SLC24A3: variants seen among roughly 807,000 people sequenced by gnomAD.
SLC24A3 encodes the protein sodium/potassium/calcium exchanger 3.
SLC24A3 carries 28 observed loss-of-function variants against 75.8 expected under a neutral mutation model. The observed-to-expected ratio is 0.37, with a 90% CI of 0.27 to 0.51. The LOEUF is 0.51. SLC24A3 is among the 20% of genes least tolerant of loss of function. The probability of loss-of-function intolerance (pLI) is 0.94; values close to 1 mark genes in which losing one functional copy is unlikely to be tolerated. For synonymous variants in SLC24A3, 372 were observed against 334.1 expected (o/e 1.11, Z -1.24); for missense variants, 663 against 847.8 (o/e 0.78, Z 2.71).
intron 2 of SLC24A3, among the ~76,000 whole-genome samples, chr20:19,510,967 G>C (rs1192435470): frequency 6.6e-6 from 1 of 152,212 alleles, no homozygotes; most frequent in Non-Finnish European, 1.5e-5. Flanking sequence ...GGCTTGGCCA[G>C]TGCAGGGCTG....
intron 2 of SLC24A3, among the ~76,000 whole-genome samples, chr20:19,444,231 T>G (rs1366833514): frequency 6.6e-6 from 1 of 152,210 alleles, no homozygotes; most frequent in African/African-American, 2.4e-5. Context: ...GGATTTGATT[T>G]GCTGATATTT....
rs376923832 is a variant in SLC24A3 at position 19,334,730 on chromosome 20, T to A, written c.271+53643T>A. Among the ~76,000 whole-genome samples, 7 of 152,304 alleles carry A rather than the reference T, an allele frequency of 4.6e-5. 1 individual carries two copies. The highest frequency in any genetic ancestry group is 6.5e-5 in the Admixed American group (1 of 15,306). Reference sequence around the variant, plus strand: ...TTGCAATTTGGCACCTCTGGGAGCCTCTGTAGGACACGCCTCAGAGCTCTG... The same window carrying A: ...TTGCAATTTGGCACCTCTGGGAGCCACTGTAGGACACGCCTCAGAGCTCTG... On this transcript the variant is annotated intron_variant, in intron 2 of 16. Transcript: ENST00000328041.
At chr20:19,309,841 A>G (rs1029259118) in intron 2 of SLC24A3, among the ~76,000 whole-genome samples, 5 of 151,762 alleles carry the variant, frequency 3.3e-5, no homozygotes, top group African/African-American at 9.7e-5. Flanking sequence ...AAGACAAGGG[A>G]CTCCTCCTTG....
At chr20:19,524,580 G>A (rs606246) in intron 3 of SLC24A3, among the ~76,000 whole-genome samples, 24,994 of 152,126 alleles carry the variant, frequency 0.16, 2,481 homozygotes, top group East Asian at 0.3. Flanking sequence ...ACGTTTACAT[G>A]TGGAGATTAG....
chr20:19,389,925 G>A (rs1156283995), intron 2 of SLC24A3, among the ~76,000 whole-genome samples: 1 of 152,026 alleles, frequency 6.6e-6, no homozygotes, highest in Non-Finnish European at 1.5e-5. Context: ...ATTTTTGGTG[G>A]TGTTGTTGTT....
chr20:19,469,462 A>G (rs540533905), intron 2 of SLC24A3, among the ~76,000 whole-genome samples: 6 of 152,328 alleles, frequency 3.9e-5, no homozygotes, highest in South Asian at 2.1e-4. Context: ...TCAACCTGCC[A>G]TACTGGAGAA....
At chr20:19,561,885 C>T (rs1367589021) in intron 3 of SLC24A3, among the ~76,000 whole-genome samples, 1 of 152,140 alleles carries the variant, frequency 6.6e-6, no homozygotes, top group Non-Finnish European at 1.5e-5. Context: ...TTTGTAACCA[C>T]AGTATCGTTA....
chr20:19,601,640 G>A (rs538441811), intron 6 of SLC24A3, among the ~76,000 whole-genome samples: 4 of 152,116 alleles, frequency 2.6e-5, no homozygotes, highest in Non-Finnish European at 5.9e-5. Context: ...GTTGACACAT[G>A]ATTCATGCAA....
chr20:19,301,727 G>T (rs1321917256), intron 2 of SLC24A3, among the ~76,000 whole-genome samples: 1 of 152,030 alleles, frequency 6.6e-6, no homozygotes, highest in Non-Finnish European at 1.5e-5. Flanking sequence ...GCCCCCTTAT[G>T]TGACATGGTT....
At chr20:19,394,165 T>C (rs1568607115) in intron 2 of SLC24A3, among the ~76,000 whole-genome samples, 1 of 152,170 alleles carries the variant, frequency 6.6e-6, no homozygotes, top group African/African-American at 2.4e-5. Context: ...TGCAAAAGGA[T>C]GAAGTTGAGC....
chr20:19,314,187 T>A (rs1158551346), intron 2 of SLC24A3, among the ~76,000 whole-genome samples: 1 of 152,206 alleles, frequency 6.6e-6, no homozygotes, highest in Admixed American at 6.5e-5. Context: ...ACAGGTGTTC[T>A]TCCAAGGGCC....
At chr20:19,632,828 A>T (rs571065549) in intron 6 of SLC24A3, among the ~76,000 whole-genome samples, 1 of 152,274 alleles carries the variant, frequency 6.6e-6, no homozygotes, top group African/African-American at 2.4e-5. Context: ...TCTATTAAAC[A>T]ATGCCAGGCC....
At chr20:19,576,516 T>G (rs915534689) in intron 3 of SLC24A3, among the ~76,000 whole-genome samples, 6 of 152,156 alleles carry the variant, frequency 3.9e-5, no homozygotes, top group African/African-American at 1.4e-4. Context: ...GGAGAAGGGC[T>G]CATCACCTCG....
intron 6 of SLC24A3, among the ~76,000 whole-genome samples, chr20:19,610,766 G>T (rs1460912916): frequency 6.6e-6 from 1 of 152,220 alleles, no homozygotes; most frequent in African/African-American, 2.4e-5. Context: ...CACCTGGGGG[G>T]TCAGAGAGCT....
At chr20:19,668,802 C>T (rs1036561052) in intron 8 of SLC24A3, among the ~76,000 whole-genome samples, 1 of 152,228 alleles carries the variant, frequency 6.6e-6, no homozygotes, top group Non-Finnish European at 1.5e-5. Flanking sequence ...ATTTTTCTTA[C>T]TATCAGTGCC....
intron 1 of SLC24A3, among the ~76,000 whole-genome samples, chr20:19,275,616 G>T (rs974737219): frequency 9.9e-5 from 15 of 152,118 alleles, no homozygotes. Flanking sequence ...AAATCCTTGG[G>T]CTCTCTAAGC....
At chr20:19,272,222 G>A (rs941945670) in intron 1 of SLC24A3, among the ~76,000 whole-genome samples, 4 of 152,236 alleles carry the variant, frequency 2.6e-5, no homozygotes, top group Admixed American at 1.3e-4. Context: ...ATCCTGCCAG[G>A]AGGGTTGCCC....
intron 6 of SLC24A3, among the ~76,000 whole-genome samples, chr20:19,616,464 A>G (rs770525752): frequency 1.3e-5 from 2 of 152,166 alleles, no homozygotes; most frequent in African/African-American, 2.4e-5. Flanking sequence ...AGGGGACAAC[A>G]TGTTAGGGGA....
At chr20:19,646,826 A>T (rs377095050) in intron 6 of SLC24A3, among the ~76,000 whole-genome samples, 3 of 141,826 alleles carry the variant, frequency 2.1e-5, no homozygotes, top group African/African-American at 8.7e-5. Context: ...GTTGTACTTT[A>T]AAAATTACAA....
Sources: gnomAD v4.1 joint callset for allele counts (sites outside exome capture counted in the v4.1 genomes callset) on GRCh38, gnomAD v4.1.1 for gene constraint, MANE v1.5 for transcripts, NCBI Gene and HGNC (gene_info 2026-07-23, HGNC 2026-07-21) for gene names.